Variants in SORCS1 observed in about 807,000 individuals in gnomAD.
The protein encoded by SORCS1 is VPS10 domain-containing receptor SorCS1.
Under a neutral mutation model 146.1 loss-of-function variants are expected in SORCS1, and 60 were observed. That is an observed-to-expected ratio of 0.41 (90% CI 0.33 to 0.51). The LOEUF (loss-of-function observed/expected upper bound fraction) is 0.51. Ranked by LOEUF, SORCS1 falls within the 20% of genes least tolerant of loss-of-function variation. The pLI is 0.21. For missense variants in SORCS1, 1,352 were observed against 1,487.6 expected (o/e 0.91, Z 1.50); for synonymous variants, 637 against 584.0 (o/e 1.09, Z -1.31).
intron 1 of SORCS1, among the ~76,000 whole-genome samples, chr10:107,016,672 G>C (rs1208496335): frequency 6.6e-6 from 1 of 152,058 alleles, no homozygotes; most frequent in African/African-American, 2.4e-5. Context: ...CAAAAACATG[G>C]TAAATTGACT....
At chr10:106,765,213 C>T (rs918865409) in intron 4 of SORCS1, among the ~76,000 whole-genome samples, 3 of 152,088 alleles carry the variant, frequency 2.0e-5, no homozygotes, top group Non-Finnish European at 4.4e-5. Flanking sequence ...TCTGTGACTA[C>T]ATTGCATTAG....
chr10:107,176,041 T>C, the SORCS1 span, among the ~76,000 whole-genome samples: 1 of 152,224 alleles, frequency 6.6e-6, no homozygotes, highest in Non-Finnish European at 1.5e-5. Flanking sequence ...CACACATATA[T>C]ATGTGTACAT....
Position 107,017,131 on chromosome 10 carries a change from C to G in SORCS1, c.559-60551G>C, listed in dbSNP as rs373967719. Among the ~76,000 whole-genome samples, 192 of 152,250 alleles carry G rather than the reference C, an allele frequency of 1.3e-3. 2 individuals carry two copies. The highest frequency in any genetic ancestry group is 8.0e-3 in the Admixed American group (123 of 15,288). ...ACATTAAGCCATGCTTACTCTATAACCCAGAAATTCCACTTCTAGATGTAA... is the reference window on the plus strand; with the variant it reads ...ACATTAAGCCATGCTTACTCTATAAGCCAGAAATTCCACTTCTAGATGTAA... On this transcript the variant is annotated intron_variant, in intron 1 of 25. Transcript: ENST00000263054.
chr10:106,837,011 C>A (rs1948817527), intron 2 of SORCS1, among the ~76,000 whole-genome samples: 1 of 152,210 alleles, frequency 6.6e-6, no homozygotes, highest in African/African-American at 2.4e-5. Flanking sequence ...ACTCCTAGCC[C>A]ACTTATGTTG....
intron 1 of SORCS1, among the ~76,000 whole-genome samples, chr10:107,021,980 G>C (rs1958167563): frequency 6.6e-6 from 1 of 152,142 alleles, no homozygotes; most frequent in Non-Finnish European, 1.5e-5. Flanking sequence ...GAATAGCTCT[G>C]CCAACTCCTA....
intron 1 of SORCS1, among the ~76,000 whole-genome samples, chr10:107,135,297 T>C (rs1209669643): frequency 6.6e-6 from 1 of 152,230 alleles, no homozygotes; most frequent in Admixed American, 6.5e-5. Flanking sequence ...ATATTTACTT[T>C]CCCAGATGGC....
chr10:106,703,000 C>T (rs539648029), intron 8 of SORCS1, among the ~76,000 whole-genome samples: 1 of 152,204 alleles, frequency 6.6e-6, no homozygotes, highest in Non-Finnish European at 1.5e-5. Context: ...ATGTTCTAAA[C>T]CTTCAACACA....
chr10:106,964,040 A>G (rs1023709089), intron 1 of SORCS1, among the ~76,000 whole-genome samples: 32 of 152,232 alleles, frequency 2.1e-4, no homozygotes, highest in Admixed American at 1.8e-3. Flanking sequence ...CCAGAAGATG[A>G]GTGTGATTCT....
chr10:106,825,163 A>C (rs1948239533), intron 3 of SORCS1, among the ~76,000 whole-genome samples: 1 of 151,756 alleles, frequency 6.6e-6, no homozygotes, highest in South Asian at 2.1e-4. Context: ...GTTGGGGGTG[A>C]TGGGAAAGGT....
In SORCS1 at chr10:106,577,555, C is replaced by A. The variant is rs751226840; in HGVS notation, c.3372G>T (p.Arg1124Ser). 50 of 1,610,450 alleles carry A rather than the reference C, an allele frequency of 3.1e-5. 3 individuals carry two copies. The South Asian group carries it at 5.4e-4, about 17-fold the overall frequency. Residue 1124 changes from arginine (R) to serine (S), a missense_variant and splice_region_variant, in exon 26 of 26, where the codon AGG (arginine) becomes AGT (serine). Arg to Ser is a moderately radical substitution (Grantham distance 110). Coordinates refer to ENST00000263054, the MANE Select transcript of SORCS1 (RefSeq NM_052918.5). ...LAVFVIYKFK[R>S]RVALPSPPSP... ...AGGGAGGGGAGGGTAAAGCTACTCT[C>A]CTAAGAGAAAACGTGTAACACTTAC... is the stretch of plus-strand genomic sequence containing the variant.
At chr10:107,124,488 C>G (rs1230493622) in intron 1 of SORCS1, among the ~76,000 whole-genome samples, 4 of 152,072 alleles carry the variant, frequency 2.6e-5, no homozygotes, top group Admixed American at 2.6e-4. Flanking sequence ...AAACCGGTGA[C>G]TATGAAAACT....
intron 17 of SORCS1, among the ~76,000 whole-genome samples, chr10:106,663,225 G>A (rs1850871670): frequency 6.6e-6 from 1 of 151,850 alleles, no homozygotes; most frequent in African/African-American, 2.4e-5. Flanking sequence ...ATATACTCTG[G>A]CTTAGAAAGA....
intron 2 of SORCS1, among the ~76,000 whole-genome samples, chr10:106,877,635 T>C (rs1287285621): frequency 6.6e-6 from 1 of 152,078 alleles, no homozygotes; most frequent in African/African-American, 2.4e-5. Flanking sequence ...GTATCTAGGA[T>C]TTGTGGGATT....
At chr10:106,684,571 C>T (rs1852685235) in intron 10 of SORCS1, among the ~76,000 whole-genome samples, 1 of 152,118 alleles carries the variant, frequency 6.6e-6, no homozygotes, top group Non-Finnish European at 1.5e-5. Context: ...CCCAGCTGGG[C>T]CCTCCAGGCA....
chr10:106,576,321 G>GTAT lies in SORCS1; in HGVS notation c.*1098_*1099insATA, dbSNP rs1844575940. On this transcript the variant is annotated 3_prime_UTR_variant, in exon 26 of 26. Coordinates refer to ENST00000263054, the MANE Select transcript of SORCS1 (RefSeq NM_052918.5). ...CAGGCCAGGCCAGTATTTAGGAAACGTCAGGGTTAATGTCCAGAATCTAGC... is the reference window on the plus strand; with the variant it reads ...CAGGCCAGGCCAGTATTTAGGAAACGTATTCAGGGTTAATGTCCAGAATCTAGC... 1 of 152,342 alleles carries GTAT rather than the reference G, an allele frequency of 6.6e-6. No homozygotes were observed. The highest frequency in any genetic ancestry group is 1.9e-4 in the East Asian group (1 of 5,204). The allele number at this position is 152,342 out of a possible 1,614,324, so 9.4% of individuals were successfully genotyped here.
intron 3 of SORCS1, among the ~76,000 whole-genome samples, chr10:106,809,837 C>G (rs979735848): frequency 6.6e-6 from 1 of 152,182 alleles, no homozygotes; most frequent in African/African-American, 2.4e-5. Context: ...TAAGGCACAT[C>G]TACTGTTTGT....
intron 2 of SORCS1, among the ~76,000 whole-genome samples, chr10:106,857,216 A>G (rs894887171): frequency 1.3e-5 from 2 of 152,192 alleles, no homozygotes; most frequent in Admixed American, 1.3e-4. Context: ...CACGTACTGA[A>G]CCAGGGATGA....
At chr10:106,834,112 GC>G (rs1183647684) in intron 2 of SORCS1, among the ~76,000 whole-genome samples, 2 of 152,128 alleles carry the variant, frequency 1.3e-5, no homozygotes, top group Non-Finnish European at 2.9e-5. Flanking sequence ...AATTTCTAGT[GC>G]CCCTCTGTAA....
At chr10:106,753,254 C>T (rs946979406) in intron 5 of SORCS1, among the ~76,000 whole-genome samples, 1 of 152,040 alleles carries the variant, frequency 6.6e-6, no homozygotes, top group South Asian at 2.1e-4. Flanking sequence ...GTTACTGAAT[C>T]CACTAAATTC....
Sources: gnomAD v4.1 joint callset for allele counts (sites outside exome capture counted in the v4.1 genomes callset) on GRCh38, gnomAD v4.1.1 for gene constraint, MANE v1.5 for transcripts, NCBI Gene and HGNC (gene_info 2026-07-23, HGNC 2026-07-21) for gene names.